The following KLHL22 variants were observed in gnomAD, a reference collection of about 807,000 sequenced individuals.
The protein encoded by KLHL22 is kelch like family member 22.
KLHL22 carries 18 observed loss-of-function variants against 60.7 expected under a neutral mutation model. The ratio of observed to expected loss-of-function variants is 0.30; its 90% CI spans 0.20 to 0.44. The LOEUF is 0.44. KLHL22 is among the 20% of genes least tolerant of loss of function. KLHL22 has a pLI of 1.00. For synonymous variants in KLHL22, 355 were observed against 354.5 expected, an observed-to-expected ratio of 1.00 and a Z score of -0.01; for missense variants, 596 against 852.3, an observed-to-expected ratio of 0.70 and a Z score of 3.74.
intron 2 of KLHL22, among the ~76,000 whole-genome samples, chr22:20,486,510 C>G (rs1444252714): frequency 2.0e-5 from 3 of 152,144 alleles, no homozygotes; most frequent in Non-Finnish European, 2.9e-5. Context: ...TATGGGCCAG[C>G]CCACCCCTAA....
chr22:20,479,202 T>C (rs2053460746), intron 2 of KLHL22, among the ~76,000 whole-genome samples: 1 of 151,662 alleles, frequency 6.6e-6, no homozygotes, highest in South Asian at 2.1e-4. Flanking sequence ...TGCCTCAACC[T>C]CCCAAGTAGT....
chr22:20,449,627 C>T (rs2052941845), intron 5 of KLHL22, among the ~76,000 whole-genome samples: 3 of 151,902 alleles, frequency 2.0e-5, no homozygotes, highest in Admixed American at 1.3e-4. Flanking sequence ...TCTCTGGTCT[C>T]GAACTCCTGA....
intron 3 of KLHL22, among the ~76,000 whole-genome samples, chr22:20,470,216 G>A (rs1262912614): frequency 6.6e-6 from 1 of 151,644 alleles, no homozygotes; most frequent in Non-Finnish European, 1.5e-5. Flanking sequence ...AGGCACAATG[G>A]CACGCATCTT....
Position 20,465,795 on chromosome 22 carries a change from AC to A in KLHL22, c.394-220del, listed in dbSNP as rs2053225465. ...GGAAACATACTGGGTGACAGGATAT[AC>A]AGCATGTTTTTTTTTGGTTTTGTTT... On this transcript the variant is annotated intron_variant, in intron 3 of 6. Coordinates refer to ENST00000328879, the MANE Select transcript of KLHL22 (RefSeq NM_032775.4). This position sits in a 1 kb window ranked among gnomAD's most constrained non-coding sequence, Gnocchi z 4.9. 6.6e-6 allele frequency among the ~76,000 whole-genome samples: 1 copy of A among 152,112 alleles called. No homozygotes were observed. The highest frequency in any genetic ancestry group is 1.5e-5 in the Non-Finnish European group (1 of 68,022).
rs748272180 is a variant in KLHL22, at chr22:20,457,834, C to T, written c.1279G>A (p.Ala427Thr). 6.2e-7 allele frequency: 1 copy of T among 1,606,660 alleles called. No individual in the cohort carries two copies. The highest frequency in any genetic ancestry group is 1.1e-5 in the South Asian group (1 of 89,682). The change falls in exon 5 of 7, where the codon GCA becomes ACA. Residue 427 changes from alanine (A) to threonine (T), a missense_variant. By Grantham distance (58) the Ala-to-Thr change is moderately conservative. Transcript: ENST00000328879. ...ERYDPATNSW[A>T]YVAPLKREVY... ...TCCCTCTTGAGTGGGGCCACGTATGCCCAGGAGTTGGTGGCAGGGTCGTAG... is the reference window on the plus strand; with the variant it reads ...TCCCTCTTGAGTGGGGCCACGTATGTCCAGGAGTTGGTGGCAGGGTCGTAG...
chr22:20,495,778 G>T lies in KLHL22; in HGVS notation c.-52C>A, dbSNP rs1302216906. On this transcript the variant is annotated 5_prime_UTR_variant, in exon 1 of 7. Coordinates refer to ENST00000328879, the MANE Select transcript of KLHL22 (RefSeq NM_032775.4). The surrounding 1 kb of genome is among the most constrained non-coding windows in gnomAD (Gnocchi z 4.6). Reference sequence around the variant, plus strand: ...AGCTGACCTGGTGCCGCCGCCAGCCGAGGCCGCACTCGCAGCTGGAGGGAG... The same window carrying T: ...AGCTGACCTGGTGCCGCCGCCAGCCTAGGCCGCACTCGCAGCTGGAGGGAG... The T allele has an allele frequency of 6.6e-6, 1 of 151,376 alleles. No individual in the cohort carries two copies. Among genetic ancestry groups the T allele is most frequent in the African/African-American group, 2.4e-5 (1 of 41,328 alleles). The allele number at this position is 151,376 out of a possible 1,614,324, so 9.4% of individuals were successfully genotyped here. A position where few individuals can be genotyped will look rare whatever the true frequency, so the allele number is the denominator to read the frequency against.
chr22:20,446,974 A>G (rs2052874995), intron 5 of KLHL22, among the ~76,000 whole-genome samples: 1 of 152,202 alleles, frequency 6.6e-6, no homozygotes, highest in Admixed American at 6.5e-5. Context: ...CCAAGAAAAT[A>G]AAAGCATTTT....
chr22:20,447,479 G>A (rs1451869363), intron 5 of KLHL22, among the ~76,000 whole-genome samples: 2 of 152,006 alleles, frequency 1.3e-5, no homozygotes, highest in African/African-American at 4.8e-5. Flanking sequence ...TGGGGAGGAA[G>A]AACACACACC....
chr22:20,466,416 A>G (rs1415713906), intron 3 of KLHL22, among the ~76,000 whole-genome samples: 3 of 151,582 alleles, frequency 2.0e-5, no homozygotes, highest in African/African-American at 7.3e-5. Flanking sequence ...GGCTCTCCAG[A>G]AAAGCAGGAA....
intron 2 of KLHL22, among the ~76,000 whole-genome samples, chr22:20,486,776 G>A (rs548232250): frequency 6.6e-6 from 1 of 151,122 alleles, no homozygotes; most frequent in African/African-American, 2.4e-5. Flanking sequence ...CCGCCTCCCG[G>A]GTTCAAGCAA....
chr22:20,443,069 A>G (rs888280425), intron 6 of KLHL22, among the ~76,000 whole-genome samples: 1 of 152,250 alleles, frequency 6.6e-6, no homozygotes, highest in African/African-American at 2.4e-5. Flanking sequence ...CAAATTTTTC[A>G]ACTAGCAACC....
At chr22:20,456,751 A>C (rs774415294) in intron 5 of KLHL22, among the ~76,000 whole-genome samples, 2 of 152,228 alleles carry the variant, frequency 1.3e-5, no homozygotes, top group Non-Finnish European at 2.9e-5. Context: ...GGCTGTGTGA[A>C]TGACCTGGAT....
chr22:20,481,633 C>T (rs1469526192), intron 2 of KLHL22, among the ~76,000 whole-genome samples: 2 of 152,058 alleles, frequency 1.3e-5, no homozygotes, highest in African/African-American at 2.4e-5. Flanking sequence ...CTTGCTCTGT[C>T]GCGCAAGCTG....
rs531617422 is a variant in KLHL22, at chr22:20,455,287, A to C, written c.1305+2521T>G. Among the ~76,000 whole-genome samples, 9 of 152,236 alleles carry C rather than the reference A, an allele frequency of 5.9e-5. No individual in the cohort carries two copies. The South Asian group carries it at 1.9e-3, about 32-fold the overall frequency. The stretch of plus-strand genomic sequence containing the variant: ...AACCCTCCCATCTCCCTCCAGCTCC[A>C]CAGCTGTGTGCCAGCACAGGCTACT... On this transcript the variant is annotated intron_variant, in intron 5 of 6. Transcript: ENST00000328879.
intron 5 of KLHL22, chr22:20,450,661 C>T: frequency 6.4e-7 from 1 of 1,560,866 alleles, no homozygotes; most frequent in Non-Finnish European, 8.8e-7. Flanking sequence ...GGTGGAAAAG[C>T]TAATCAAGTG....
intron 2 of KLHL22, chr22:20,482,979 T>C: frequency 2.7e-6 from 2 of 739,122 alleles, no homozygotes; most frequent in Admixed American, 1.9e-5. Flanking sequence ...TAGGTGGTGA[T>C]CTTAGCCTCC....
chr22:20,447,549 T>C (rs368528718), intron 5 of KLHL22, among the ~76,000 whole-genome samples: 238 of 149,860 alleles, frequency 1.6e-3, no homozygotes, highest in African/African-American at 5.6e-3. Context: ...TTTTTCTTTT[T>C]TTTTTTTTTT....
rs2053631309 is a variant in KLHL22 at position 20,488,753 on chromosome 22, G to A, written c.227+232C>T. 2 of 572,708 alleles carry A rather than the reference G, an allele frequency of 3.5e-6. 1 individual carries two copies. Among genetic ancestry groups the A allele is most frequent in the South Asian group, 4.3e-5 (2 of 46,538 alleles). 35.5% of individuals were successfully genotyped at this position (572,708 alleles called of 1,614,324 possible). On this transcript the variant is annotated intron_variant, in intron 2 of 6. Coordinates refer to ENST00000328879, the MANE Select transcript of KLHL22 (RefSeq NM_032775.4). Reference sequence around the variant, plus strand: ...AGAGAAAAGGAAAAGAAAAGGAAGAGAAGAGAGGGAAGAGAAGAGGAGGCA... The same window carrying A: ...AGAGAAAAGGAAAAGAAAAGGAAGAAAAGAGAGGGAAGAGAAGAGGAGGCA...
At chr22:20,451,668 G>A in intron 5 of KLHL22, 5 of 1,605,940 alleles carry the variant, frequency 3.1e-6, no homozygotes, top group Non-Finnish European at 3.4e-6. Context: ...GGGCCACAGT[G>A]CTTCGGGGGA....
Sources: gnomAD v4.1 joint callset for allele counts (sites outside exome capture counted in the v4.1 genomes callset) on GRCh38, gnomAD v4.1.1 for gene constraint, Gnocchi (gnomAD v3.1) non-coding constraint, MANE v1.5 for transcripts, NCBI Gene and HGNC (gene_info 2026-07-23, HGNC 2026-07-21) for gene names.